Variants in LSAMP observed in about 807,000 individuals in gnomAD.
LSAMP encodes limbic system-associated membrane protein.
In LSAMP, 7 loss-of-function variants were observed where a neutral mutation model predicts 38.6. The ratio of observed to expected loss-of-function variants is 0.18; its 90% CI spans 0.10 to 0.34. The LOEUF is 0.34. Ranked by LOEUF, LSAMP falls within the 10% of genes least tolerant of loss-of-function variation. The probability of loss-of-function intolerance (pLI) is 1.00; values close to 1 mark genes in which losing one functional copy is unlikely to be tolerated. For synonymous variants in LSAMP, 154 were observed against 166.8 expected (o/e 0.92, Z 0.59); for missense variants, 313 against 420.0 (o/e 0.75, Z 2.23).
chr3:115,923,968 A>G (rs1283874539), intron 3 of LSAMP, among the ~76,000 whole-genome samples: 3 of 152,090 alleles, frequency 2.0e-5, no homozygotes, highest in Non-Finnish European at 4.4e-5. Context: ...TCTATTCATG[A>G]TGCCTATTTT....
intron 3 of LSAMP, among the ~76,000 whole-genome samples, chr3:115,902,244 A>G (rs539381089): frequency 6.1e-4 from 93 of 152,202 alleles, no homozygotes; most frequent in African/African-American, 2.0e-3. Context: ...CTATTATTCT[A>G]TAATAAACTC....
At chr3:115,958,033 T>C (rs1384306116) in intron 3 of LSAMP, among the ~76,000 whole-genome samples, 2 of 152,168 alleles carry the variant, frequency 1.3e-5, no homozygotes, top group East Asian at 1.9e-4. Context: ...TCATAACTAG[T>C]TGTGAGCCTG....
At chr3:115,907,237 T>C (rs1937028272) in intron 3 of LSAMP, among the ~76,000 whole-genome samples, 1 of 152,162 alleles carries the variant, frequency 6.6e-6, no homozygotes, top group African/African-American at 2.4e-5. Flanking sequence ...TGCTAAGGTC[T>C]GAATGTTTGT....
intron 1 of LSAMP, among the ~76,000 whole-genome samples, chr3:116,201,843 C>A (rs1341074735): frequency 6.6e-6 from 1 of 152,166 alleles, no homozygotes; most frequent in Non-Finnish European, 1.5e-5. Flanking sequence ...GTGGAGAGAA[C>A]AATAGATTTA....
intron 3 of LSAMP, among the ~76,000 whole-genome samples, chr3:115,884,288 GA>G (rs1936395685): frequency 6.6e-6 from 1 of 152,006 alleles, no homozygotes; most frequent in Non-Finnish European, 1.5e-5. Context: ...TGTTCTTAGA[GA>G]ACAATCTTAA....
intron 1 of LSAMP, among the ~76,000 whole-genome samples, chr3:116,356,816 C>T (rs557490352): frequency 9.2e-5 from 14 of 151,976 alleles, no homozygotes; most frequent in Non-Finnish European, 1.3e-4. Context: ...TTTTTTGAGA[C>T]GGAGTCTCGC....
chr3:116,310,621 C>G (rs900407538), intron 1 of LSAMP, among the ~76,000 whole-genome samples: 1 of 152,082 alleles, frequency 6.6e-6, no homozygotes, highest in African/African-American at 2.4e-5. Flanking sequence ...CCAGAGCTGG[C>G]CTTTGAAGTT....
At chr3:116,283,883 G>T (rs1452695566) in intron 1 of LSAMP, among the ~76,000 whole-genome samples, 1 of 152,090 alleles carries the variant, frequency 6.6e-6, no homozygotes, top group Non-Finnish European at 1.5e-5. Flanking sequence ...ACATACACCT[G>T]TAATCCCAGC....
intron 2 of LSAMP, among the ~76,000 whole-genome samples, chr3:116,074,563 C>A (rs531779790): frequency 5.3e-5 from 8 of 152,120 alleles, no homozygotes; most frequent in Non-Finnish European, 1.2e-4. Context: ...GATAGATATC[C>A]CTACATTACC....
Position 115,803,682 on chromosome 3 carries a change from C to G in LSAMP, c.*6635G>C, listed in dbSNP as rs1171819598. 1 of 152,080 alleles carries G rather than the reference C, an allele frequency of 6.6e-6. No individual in the cohort carries two copies. The highest frequency in any genetic ancestry group is 2.4e-5 in the African/African-American group (1 of 41,402). 9.4% of individuals were successfully genotyped at this position (152,080 alleles called of 1,614,324 possible). A position where few individuals can be genotyped will look rare whatever the true frequency, so the allele number is the denominator to read the frequency against. Reference sequence around the variant, plus strand: ...ACTTTTTGAAAACAATACTTGTTTTCTCTCCATCTATTTGCTTTATTTCAT... The same window carrying G: ...ACTTTTTGAAAACAATACTTGTTTTGTCTCCATCTATTTGCTTTATTTCAT... On this transcript the variant is annotated 3_prime_UTR_variant, in exon 7 of 7. Transcript: ENST00000490035.
intron 1 of LSAMP, among the ~76,000 whole-genome samples, chr3:116,184,497 A>T (rs1710564120): frequency 6.6e-6 from 1 of 151,970 alleles, no homozygotes; most frequent in Non-Finnish European, 1.5e-5. Context: ...ATGAGGAAGA[A>T]TAAGGGAGTC....
At chr3:116,019,665 T>C in intron 2 of LSAMP, 25 bp from the exon 3 acceptor site, 2 of 1,606,120 alleles carry the variant, frequency 1.2e-6, no homozygotes, top group Middle Eastern at 1.7e-4. Context: ...GGAAATGGAA[T>C]ATGTAACCAT....
intron 3 of LSAMP, among the ~76,000 whole-genome samples, chr3:115,873,713 A>T (rs758482463): frequency 1.3e-5 from 2 of 152,144 alleles, no homozygotes; most frequent in African/African-American, 2.4e-5. Context: ...TTGCTGTAAA[A>T]TCGAGGTTAT....
In LSAMP at chr3:115,807,776, A is replaced by G. The variant is rs773026822; in HGVS notation, c.*2541T>C. The G allele has an allele frequency of 6.6e-6, 1 of 152,212 alleles. No homozygotes were observed. Among genetic ancestry groups the G allele is most frequent in the Non-Finnish European group, 1.5e-5 (1 of 68,028 alleles). The allele number at this position is 152,212 out of a possible 1,614,324, so 9.4% of individuals were successfully genotyped here. A position where few individuals can be genotyped will look rare whatever the true frequency, so the allele number is the denominator to read the frequency against. On this transcript the variant is annotated 3_prime_UTR_variant, in exon 7 of 7. Coordinates refer to ENST00000490035, the MANE Select transcript of LSAMP (RefSeq NM_002338.5). ...TACCCTTTATTCTTGAACTAAGAAG[A>G]CCAAACTGTTAAGAGAAATACCTGA...
intron 1 of LSAMP, among the ~76,000 whole-genome samples, chr3:116,403,766 A>T (rs1283269631): frequency 6.6e-6 from 1 of 152,058 alleles, no homozygotes; most frequent in Non-Finnish European, 1.5e-5. Context: ...TTTAAACAAA[A>T]AAAGGACAGG....
At chr3:116,373,683 A>T (rs1325180975) in intron 1 of LSAMP, among the ~76,000 whole-genome samples, 1 of 151,858 alleles carries the variant, frequency 6.6e-6, no homozygotes, top group Non-Finnish European at 1.5e-5. Flanking sequence ...GATGCCCTTG[A>T]TATGTTTTGG....
intron 3 of LSAMP, among the ~76,000 whole-genome samples, chr3:115,973,833 T>C (rs901480334): frequency 1.3e-5 from 2 of 152,158 alleles, no homozygotes; most frequent in Non-Finnish European, 2.9e-5. Context: ...CAAAACAACA[T>C]TTGTGTTAAG....
chr3:116,081,145 A>T (rs755111496), intron 2 of LSAMP, among the ~76,000 whole-genome samples: 1 of 152,170 alleles, frequency 6.6e-6, no homozygotes, highest in Non-Finnish European at 1.5e-5. Context: ...TCCTAGAAAC[A>T]ATAAGCTCTA....
chr3:116,185,975 A>G (rs1193841976), intron 1 of LSAMP, among the ~76,000 whole-genome samples: 1 of 151,868 alleles, frequency 6.6e-6, no homozygotes, highest in African/African-American at 2.4e-5. Context: ...CAAAGGCTGC[A>G]TGAAATGTCT....
Sources: allele counts gnomAD v4.1 joint callset (sites outside exome capture counted in the v4.1 genomes callset), GRCh38; gene constraint gnomAD v4.1.1; transcripts MANE v1.5; gene names NCBI Gene and HGNC (gene_info 2026-07-23, HGNC 2026-07-21).